Variants in VTA1 observed in about 807,000 individuals in gnomAD.
VTA1 encodes vesicle trafficking 1, also known as vacuolar protein sorting-associated protein VTA1 homolog.
VTA1 carries 24 observed loss-of-function variants against 36.9 expected under a neutral mutation model. That is an observed-to-expected ratio of 0.65 (90% CI 0.47 to 0.91). VTA1 has a LOEUF of 0.91. VTA1 is among the 40% of genes least tolerant of loss of function. The pLI, the probability that VTA1 is intolerant of heterozygous loss-of-function variation, is 0.00. For synonymous variants in VTA1, 142 were observed against 130.2 expected, an observed-to-expected ratio of 1.09 and a Z score of -0.62; for missense variants, 393 against 377.2, an observed-to-expected ratio of 1.04 and a Z score of -0.35.
chr6:142,188,954 A>G (rs1448904914), intron 4 of VTA1, among the ~76,000 whole-genome samples: 1 of 152,194 alleles, frequency 6.6e-6, no homozygotes. Context: ...AGTCAGGTTT[A>G]CCTGCCTATC....
Position 142,189,459 on chromosome 6 carries a change from G to T in VTA1, c.445G>T (p.Ala149Ser), listed in dbSNP as rs756749028. ...VKHRKYARWK[A>S]TYIHNCLKNG... ...ACACAGGAAGTATGCCAGATGGAAG[G>T]CAACATACATCCATAATTGTTTAAA... The change falls in exon 5 of 8, where the codon GCA becomes TCA. Residue 149 changes from alanine to serine, a missense_variant. Transcript: ENST00000367630. 3 of 1,613,812 alleles carry T rather than the reference G, an allele frequency of 1.9e-6. No homozygotes were observed. Among genetic ancestry groups the T allele is most frequent in the Non-Finnish European group, 2.5e-6 (3 of 1,179,956 alleles).
rs201442533 is a variant in VTA1 at position 142,169,679 on chromosome 6, T to A, written c.335+2T>A. 1 of 1,555,476 alleles carries A rather than the reference T, an allele frequency of 6.4e-7. No individual in the cohort carries two copies. The highest frequency in any genetic ancestry group is 8.6e-7 in the Non-Finnish European group (1 of 1,160,946). On this transcript the variant is annotated splice_donor_variant, in intron 3 of 7. Transcript: ENST00000367630. LOFTEE classifies it high-confidence loss of function. ...AGATCGTGCTGGACGATTTCACAAGTAAGTAAAGAGAAAAATAAAAATTAT... is the reference window on the plus strand; with the variant it reads ...AGATCGTGCTGGACGATTTCACAAGAAAGTAAAGAGAAAAATAAAAATTAT...
At chr6:142,153,701 T>C (rs1778609580) in intron 1 of VTA1, among the ~76,000 whole-genome samples, 1 of 152,154 alleles carries the variant, frequency 6.6e-6, no homozygotes, top group Non-Finnish European at 1.5e-5. Flanking sequence ...AATAGGCTTA[T>C]TGTTTATGTG....
Position 142,147,305 on chromosome 6 carries a change from G to T in VTA1, c.18G>T (p.Pro6=). The T allele has an allele frequency of 6.2e-7, 1 of 1,614,162 alleles. No individual in the cohort carries two copies. The highest frequency in any genetic ancestry group is 8.5e-7 in the Non-Finnish European group (1 of 1,180,026). MAALA[P]LPPLPAQFKS... ...GAGTAGAGATGGCCGCGCTTGCACC[G>T]CTGCCCCCGCTCCCCGCACAGTTCA... Residue 6 remains proline (P), a synonymous_variant, in exon 1 of 8, where the codon CCG becomes CCT. Coordinates refer to ENST00000367630, the MANE Select transcript of VTA1 (RefSeq NM_016485.5).
At chr6:142,188,409 T>A (rs1438796293) in intron 4 of VTA1, among the ~76,000 whole-genome samples, 3 of 151,530 alleles carry the variant, frequency 2.0e-5, no homozygotes, top group Admixed American at 6.6e-5. Context: ...GAAACAGGGT[T>A]TCACTGTGTT....
intron 4 of VTA1, among the ~76,000 whole-genome samples, chr6:142,177,546 G>GA (rs1775149752): frequency 6.6e-6 from 1 of 152,076 alleles, no homozygotes; most frequent in African/African-American, 2.4e-5. Context: ...TGAGAAGGCC[G>GA]ATTAGGAAGC....
intron 5 of VTA1, among the ~76,000 whole-genome samples, chr6:142,197,713 G>A (rs1358374421): frequency 6.6e-6 from 1 of 152,072 alleles, no homozygotes; most frequent in Non-Finnish European, 1.5e-5. Context: ...TTATTGGATA[G>A]CATAAATGTG....
chr6:142,164,499 A>G (rs1182896718), intron 1 of VTA1, among the ~76,000 whole-genome samples: 1 of 152,204 alleles, frequency 6.6e-6, no homozygotes, highest in Non-Finnish European at 1.5e-5. Context: ...AAGCCTAAGC[A>G]CTAAAAAGCA....
intron 4 of VTA1, among the ~76,000 whole-genome samples, chr6:142,172,252 A>T (rs988852289): frequency 2.0e-5 from 3 of 152,062 alleles, no homozygotes; most frequent in Non-Finnish European, 1.5e-5. Context: ...CTCGTGATCC[A>T]CCTGCCTCGG....
intron 6 of VTA1, among the ~76,000 whole-genome samples, chr6:142,201,461 C>A (rs889762931): frequency 6.6e-6 from 1 of 151,818 alleles, no homozygotes; most frequent in African/African-American, 2.4e-5. Flanking sequence ...TTTAAACAGG[C>A]GAAGTGTTTG....
At chr6:142,205,910 T>C (rs2114680652) in intron 7 of VTA1, among the ~76,000 whole-genome samples, 1 of 152,250 alleles carries the variant, frequency 6.6e-6, no homozygotes, top group East Asian at 1.9e-4. Context: ...AATTATGGAA[T>C]ATAAAAGAAA....
In VTA1 at chr6:142,220,547, G is replaced by C. The variant is rs1472995818; in HGVS notation, c.*1904G>C. 1 of 152,180 alleles carries C rather than the reference G, an allele frequency of 6.6e-6. No individual in the cohort carries two copies. Among genetic ancestry groups the C allele is most frequent in the Non-Finnish European group, 1.5e-5 (1 of 68,030 alleles). The allele number at this position is 152,180 out of a possible 1,614,324, so 9.4% of individuals were successfully genotyped here. On this transcript the variant is annotated 3_prime_UTR_variant, in exon 8 of 8. Coordinates refer to ENST00000367630, the MANE Select transcript of VTA1 (RefSeq NM_016485.5). The stretch of plus-strand genomic sequence containing the variant: ...AGAGATACAGTACCTGAAGTGCTTA[G>C]CGCATGGTAGCATTTCATAAATGTT...
intron 4 of VTA1, 78 bp downstream of exon 4, chr6:142,170,499 T>C: frequency 1.0e-6 from 1 of 978,552 alleles, no homozygotes; most frequent in Non-Finnish European, 1.5e-6. Flanking sequence ...ATTGCATTGT[T>C]TATTTACAGC....
At chr6:142,147,497 C>T in intron 1 of VTA1, 98 bp downstream of exon 1, 3 of 1,278,918 alleles carry the variant, frequency 2.3e-6, no homozygotes, top group Non-Finnish European at 3.3e-6. Flanking sequence ...GCCCCCCTCG[C>T]TTTAAACCTG....
intron 4 of VTA1, among the ~76,000 whole-genome samples, chr6:142,171,678 C>A (rs1431327774): frequency 6.6e-6 from 1 of 152,014 alleles, no homozygotes; most frequent in African/African-American, 2.4e-5. Context: ...AATTTATTTT[C>A]TGAGAGGGAA....
At chr6:142,181,422 C>T (rs571043915) in intron 4 of VTA1, among the ~76,000 whole-genome samples, 16 of 145,454 alleles carry the variant, frequency 1.1e-4, no homozygotes, top group African/African-American at 3.5e-4. Context: ...CATAAGCCAC[C>T]GTGCCAGGCC....
chr6:142,161,719 A>T (rs890794751), intron 1 of VTA1, among the ~76,000 whole-genome samples: 1 of 152,072 alleles, frequency 6.6e-6, no homozygotes, highest in East Asian at 1.9e-4. Flanking sequence ...TTAATTTTTC[A>T]TCGTATTGCT....
At chr6:142,182,601 T>C (rs1582889979) in intron 4 of VTA1, among the ~76,000 whole-genome samples, 1 of 152,080 alleles carries the variant, frequency 6.6e-6, no homozygotes, top group South Asian at 2.1e-4. Flanking sequence ...GTGTAAAAGA[T>C]ACAGAGAACT....
chr6:142,197,156 T>C (rs1329705105), intron 5 of VTA1, among the ~76,000 whole-genome samples: 2 of 152,208 alleles, frequency 1.3e-5, no homozygotes, highest in Admixed American at 1.3e-4. Context: ...TGTGGAGCTT[T>C]TTTCTTTCCC....
Sources: gnomAD v4.1 joint callset for allele counts (sites outside exome capture counted in the v4.1 genomes callset) on GRCh38, gnomAD v4.1.1 for gene constraint, MANE v1.5 for transcripts, NCBI Gene and HGNC (gene_info 2026-07-23, HGNC 2026-07-21) for gene names.